Variants in UMAD1 observed in about 807,000 individuals in gnomAD.
The protein encoded by UMAD1 is UBAP1-MVB12-associated (UMA) domain containing 1, also known as UBAP1-MVB12-associated (UMA)-domain containing protein 1.
Under a neutral mutation model 6.1 loss-of-function variants are expected in UMAD1, and 8 were observed. The observed-to-expected ratio is 1.30, with a 90% CI of 0.76 to 2.35. The LOEUF (loss-of-function observed/expected upper bound fraction) is 2.35, where lower values mean the gene tolerates loss of function less well. Ranked by LOEUF, UMAD1 falls within the 30% of genes most tolerant of loss-of-function variation. UMAD1 has a pLI of 0.00. For missense variants in UMAD1, 130 were observed against 78.4 expected, an observed-to-expected ratio of 1.66 and a Z score of -2.49; for synonymous variants, 56 against 31.4, an observed-to-expected ratio of 1.78 and a Z score of -2.61.
chr7:7,685,250 A>T (rs774733102), intron 2 of UMAD1, among the ~76,000 whole-genome samples: 1 of 151,488 alleles, frequency 6.6e-6, no homozygotes, highest in Non-Finnish European at 1.5e-5. Flanking sequence ...TGTTTTTTTT[A>T]TTCATTGCAT....
At chr7:7,643,190 A>C (rs772733332) in intron 1 of UMAD1, among the ~76,000 whole-genome samples, 3 of 152,182 alleles carry the variant, frequency 2.0e-5, no homozygotes, top group Admixed American at 1.3e-4. Flanking sequence ...CAAAATGTTA[A>C]TTGAATGTAG....
At chr7:7,676,485 A>T (rs1458427905) in intron 2 of UMAD1, among the ~76,000 whole-genome samples, 1 of 152,150 alleles carries the variant, frequency 6.6e-6, no homozygotes, top group Admixed American at 6.5e-5. Context: ...ATCTTTTTGT[A>T]AAAAAAGTTA....
chr7:7,807,312 A>C (rs559708735), intron 3 of UMAD1, among the ~76,000 whole-genome samples: 1 of 152,290 alleles, frequency 6.6e-6, no homozygotes, highest in South Asian at 2.1e-4. Flanking sequence ...TTTATGATTA[A>C]GAAGTTCCTG....
At chr7:7,801,545 G>C in intron 2 of UMAD1, 125 bp from the exon 3 acceptor site, 1 of 597,070 alleles carries the variant, frequency 1.7e-6, no homozygotes, top group Non-Finnish European at 3.0e-6. Context: ...TGAAACAAGG[G>C]AAATAGTGGT....
chr7:7,677,861 G>T (rs1443747259), intron 2 of UMAD1, among the ~76,000 whole-genome samples: 1 of 151,078 alleles, frequency 6.6e-6, no homozygotes, highest in African/African-American at 2.4e-5. Flanking sequence ...TTTTAGTAGA[G>T]ACGGGGTTTC....
At chr7:7,829,476 C>A (rs191001838) in intron 3 of UMAD1, among the ~76,000 whole-genome samples, 5 of 151,734 alleles carry the variant, frequency 3.3e-5, no homozygotes, top group Non-Finnish European at 5.9e-5. Flanking sequence ...TCATATAAAT[C>A]CCTGGATAAA....
chr7:7,717,518 T>TTCAAAACAATAAATCATA (rs1780948728), intron 2 of UMAD1, among the ~76,000 whole-genome samples: 1 of 152,230 alleles, frequency 6.6e-6, no homozygotes, highest in African/African-American at 2.4e-5. Flanking sequence ...GATTTATTGT[T>TTCAAAACAATAAATCATA]TTGAAGTAAA....
intron 2 of UMAD1, among the ~76,000 whole-genome samples, chr7:7,765,280 G>T (rs1781963158): frequency 6.6e-6 from 1 of 152,002 alleles, no homozygotes; most frequent in South Asian, 2.1e-4. Flanking sequence ...CTCGCCTTGA[G>T]ATCTTTCTTT....
At chr7:7,659,573 A>C (rs928580580) in intron 1 of UMAD1, among the ~76,000 whole-genome samples, 2 of 152,186 alleles carry the variant, frequency 1.3e-5, no homozygotes, top group East Asian at 3.8e-4. Flanking sequence ...CCCAGTAGTC[A>C]TACAGGAGCA....
chr7:7,739,099 A>C (rs778431577), intron 2 of UMAD1: 4 of 152,248 alleles, frequency 2.6e-5, no homozygotes, highest in Non-Finnish European at 5.9e-5. Context: ...AAGCATTTCA[A>C]GTGTCACTTA....
intron 2 of UMAD1, among the ~76,000 whole-genome samples, chr7:7,766,922 G>C (rs1209078625): frequency 6.6e-6 from 1 of 151,962 alleles, no homozygotes; most frequent in Non-Finnish European, 1.5e-5. Context: ...CTTACTGTCT[G>C]GTGGAATTTA....
intron 1 of UMAD1, among the ~76,000 whole-genome samples, chr7:7,642,274 A>G (rs925194500): frequency 4.6e-5 from 7 of 151,816 alleles, no homozygotes; most frequent in African/African-American, 1.5e-4. Context: ...AGCTGGGACT[A>G]TAAGCACATA....
intron 3 of UMAD1, among the ~76,000 whole-genome samples, chr7:7,874,113 G>A (rs375907025): frequency 4.6e-5 from 7 of 151,952 alleles, no homozygotes; most frequent in African/African-American, 9.7e-5. Context: ...GTGTCTCATC[G>A]CTCAGGCCAA....
At chr7:7,795,780 A>G (rs1782664285) in intron 2 of UMAD1, among the ~76,000 whole-genome samples, 1 of 152,186 alleles carries the variant, frequency 6.6e-6, no homozygotes, top group Admixed American at 6.5e-5. Flanking sequence ...CCAATACATT[A>G]TAATTGGCAT....
chr7:7,688,260 T>C (rs1199429171), intron 2 of UMAD1, among the ~76,000 whole-genome samples: 1 of 152,208 alleles, frequency 6.6e-6, no homozygotes, highest in Admixed American at 6.5e-5. Context: ...TGTGATTTCT[T>C]AGGATATTTT....
At chr7:7,789,832 T>C (rs1474929772) in intron 2 of UMAD1, among the ~76,000 whole-genome samples, 1 of 152,244 alleles carries the variant, frequency 6.6e-6, no homozygotes, top group African/African-American at 2.4e-5. Flanking sequence ...ATACTACATT[T>C]TTTTAATTCA....
intron 2 of UMAD1, among the ~76,000 whole-genome samples, chr7:7,789,063 T>C (rs1272179779): frequency 1.3e-5 from 2 of 152,262 alleles, no homozygotes; most frequent in Non-Finnish European, 2.9e-5. Context: ...ACATTGTCAG[T>C]ACTGGTGATA....
chr7:7,785,664 C>G (rs1782448449), intron 2 of UMAD1, among the ~76,000 whole-genome samples: 1 of 152,132 alleles, frequency 6.6e-6, no homozygotes, highest in East Asian at 1.9e-4. Flanking sequence ...ATCATGGTAG[C>G]CTAAACTTGA....
chr7:7,774,473 C>G (rs1206078120), intron 2 of UMAD1, among the ~76,000 whole-genome samples: 2 of 152,066 alleles, frequency 1.3e-5, no homozygotes, highest in Non-Finnish European at 2.9e-5. Context: ...GGAACCTGTT[C>G]TACATACCAA....
Sources: allele counts gnomAD v4.1 joint callset (sites outside exome capture counted in the v4.1 genomes callset), GRCh38; gene constraint gnomAD v4.1.1; transcripts MANE v1.5; gene names NCBI Gene and HGNC (gene_info 2026-07-23, HGNC 2026-07-21).